ANO2: variants seen among roughly 807,000 people sequenced by gnomAD.
ANO2 encodes anoctamin-2.
A neutral mutation model predicts 124.2 loss-of-function variants in ANO2; 101 were observed. That is an observed-to-expected ratio of 0.81 (90% confidence interval 0.69 to 0.96). The LOEUF (loss-of-function observed/expected upper bound fraction) is 0.96, where lower values mean the gene tolerates loss of function less well. ANO2 is among the 40% of genes least tolerant of loss of function. The pLI is 0.00. For synonymous variants in ANO2, 486 were observed against 482.5 expected (o/e 1.01, Z -0.09); for missense variants, 1,293 against 1,274.5 (o/e 1.01, Z -0.22).
intron 14 of ANO2, among the ~76,000 whole-genome samples, chr12:5,724,322 T>C: frequency 6.6e-6 from 1 of 152,098 alleles, no homozygotes; most frequent in Non-Finnish European, 1.5e-5. Context: ...CAAGTGGTTA[T>C]TCGGTCATTT....
intron 14 of ANO2, among the ~76,000 whole-genome samples, chr12:5,677,874 C>G (rs1948320810): frequency 6.6e-6 from 1 of 152,218 alleles, no homozygotes; most frequent in South Asian, 2.1e-4. Flanking sequence ...GGCTCCCCTT[C>G]TCCCATAGGC....
intron 10 of ANO2, among the ~76,000 whole-genome samples, chr12:5,784,290 A>C (rs1417812983): frequency 6.6e-6 from 1 of 152,154 alleles, no homozygotes; most frequent in Non-Finnish European, 1.5e-5. Flanking sequence ...TTTCTGTCCA[A>C]GAGCCACTCT....
At position 5,635,513 on chromosome 12, in the gene ANO2, G is replaced by A. The variant is rs1945967569; in HGVS notation, c.1621-166C>T. Among the ~76,000 whole-genome samples, 2 of 151,952 alleles carry A rather than the reference G, an allele frequency of 1.3e-5. No individual in the cohort carries two copies. Among genetic ancestry groups the A allele is most frequent in the Non-Finnish European group, 2.9e-5 (2 of 68,000 alleles). On this transcript the variant is annotated intron_variant, in intron 15 of 24. Transcript: ENST00000682330. The surrounding 1 kb of genome is among the most constrained non-coding windows in gnomAD (Gnocchi z 5.2). ...TTATTAGTCTGGAATATTTGGGTGGGTAACAAATTTTTAGGCAGAGTTCTG... is the reference window on the plus strand; with the variant it reads ...TTATTAGTCTGGAATATTTGGGTGGATAACAAATTTTTAGGCAGAGTTCTG...
At chr12:5,775,921 C>G (rs1038776110) in intron 10 of ANO2, among the ~76,000 whole-genome samples, 2 of 152,162 alleles carry the variant, frequency 1.3e-5, no homozygotes, top group African/African-American at 4.8e-5. Context: ...GGGTTAAACA[C>G]TGACACAAAA....
At chr12:5,822,123 G>A (rs948764934) in intron 7 of ANO2, among the ~76,000 whole-genome samples, 4 of 152,210 alleles carry the variant, frequency 2.6e-5, no homozygotes, top group Non-Finnish European at 2.9e-5. Flanking sequence ...AATCTTCCCA[G>A]TGGGCACTTC....
intron 13 of ANO2, chr12:5,739,025 G>T (rs1950985774): frequency 7.3e-6 from 4 of 548,930 alleles, no homozygotes; most frequent in Admixed American, 4.5e-5. Context: ...CTTGCCTCTT[G>T]TTCTTGCATC....
intron 7 of ANO2, among the ~76,000 whole-genome samples, chr12:5,818,745 A>G (rs1037673455): frequency 6.6e-6 from 1 of 152,002 alleles, no homozygotes; most frequent in Non-Finnish European, 1.5e-5. Context: ...TATGCAAAAT[A>G]AATGCATTTG....
chr12:5,844,613 C>A (rs150647906), intron 4 of ANO2, among the ~76,000 whole-genome samples: 222 of 152,204 alleles, frequency 1.5e-3, no homozygotes, highest in Middle Eastern at 3.4e-3. Flanking sequence ...TCTTACTGTA[C>A]GGGTGAGAAA....
intron 16 of ANO2, among the ~76,000 whole-genome samples, chr12:5,632,456 T>C (rs1345635696): frequency 1.3e-5 from 2 of 152,100 alleles, no homozygotes; most frequent in Admixed American, 6.6e-5. Context: ...AAAAATACTT[T>C]ATGAGTATCA....
intron 10 of ANO2, among the ~76,000 whole-genome samples, chr12:5,764,566 G>C (rs987898986): frequency 1.3e-5 from 2 of 152,172 alleles, no homozygotes; most frequent in South Asian, 4.1e-4. Flanking sequence ...TGAATTCCAG[G>C]AAGGATTTAG....
chr12:5,923,108 ACACATG>A (rs1941835683), intron 1 of ANO2, among the ~76,000 whole-genome samples: 3 of 71,302 alleles, frequency 4.2e-5, no homozygotes, highest in Non-Finnish European at 1.0e-4. Flanking sequence ...ACACATACAC[ACACATG>A]CACGCACACA....
At chr12:5,569,193 T>A (rs74759350) in intron 23 of ANO2, among the ~76,000 whole-genome samples, 2,826 of 152,190 alleles carry the variant, frequency 0.019, 88 homozygotes, top group African/African-American at 0.063. Context: ...TCCAGGTAAA[T>A]AGCATGAAAT....
At chr12:5,923,076 ACACATACACACACACACG>A (rs1941810319) in intron 1 of ANO2, among the ~76,000 whole-genome samples, 1 of 21,464 alleles carries the variant, frequency 4.7e-5, no homozygotes, top group Non-Finnish European at 3.6e-4. Flanking sequence ...ACACACATGC[ACACATACACACACACACG>A]CACACACATA....
chr12:5,735,907 C>G (rs988500939), intron 13 of ANO2, among the ~76,000 whole-genome samples: 4 of 151,648 alleles, frequency 2.6e-5, no homozygotes, highest in Non-Finnish European at 4.4e-5. Context: ...ATGTTATACA[C>G]GAGGGGTGGG....
At chr12:5,569,339 C>G (rs1941965997) in intron 23 of ANO2, among the ~76,000 whole-genome samples, 1 of 127,454 alleles carries the variant, frequency 7.8e-6, no homozygotes, top group South Asian at 3.1e-4. Flanking sequence ...ACTGGTCAGA[C>G]TCCTGCAGCT....
intron 1 of ANO2, among the ~76,000 whole-genome samples, chr12:5,923,172 ACGCACACACACATACACACACACGCACG>A (rs1941866544): frequency 2.5e-5 from 1 of 40,774 alleles, no homozygotes; most frequent in Non-Finnish European, 5.5e-5. Flanking sequence ...ATACACACAC[ACGCACACACACATACACACACACGCACG>A]CACACACACC....
intron 14 of ANO2, among the ~76,000 whole-genome samples, chr12:5,704,506 G>A (rs1453840556): frequency 6.6e-6 from 1 of 152,166 alleles, no homozygotes; most frequent in Non-Finnish European, 1.5e-5. Context: ...GATGGCGGTG[G>A]GGAGAGGGAG....
At chr12:5,651,382 C>T (rs1306048363) in intron 14 of ANO2, among the ~76,000 whole-genome samples, 1 of 152,046 alleles carries the variant, frequency 6.6e-6, no homozygotes, top group Non-Finnish European at 1.5e-5. Flanking sequence ...TGTAAAGTGG[C>T]AATCATCCTT....
chr12:5,698,608 C>T (rs1326110864), intron 14 of ANO2, among the ~76,000 whole-genome samples: 5 of 152,162 alleles, frequency 3.3e-5, no homozygotes, highest in East Asian at 1.9e-4. Flanking sequence ...ATGACTTTGA[C>T]GAGTTGAGAG....
Sources: allele counts gnomAD v4.1 joint callset (sites outside exome capture counted in the v4.1 genomes callset), GRCh38; gene constraint gnomAD v4.1.1; non-coding constraint Gnocchi (gnomAD v3.1); transcripts MANE v1.5; gene names NCBI Gene and HGNC (gene_info 2026-07-23, HGNC 2026-07-21).